Variants in EYS observed in about 807,000 individuals in gnomAD.
EYS encodes the protein protein eyes shut homolog.
In EYS, 250 loss-of-function variants were observed where a neutral mutation model predicts 282.1. That is an observed-to-expected ratio of 0.89 (90% CI 0.80 to 0.98). The LOEUF is 0.98. EYS is among the 50% of genes least tolerant of loss of function. The probability of loss-of-function intolerance (pLI) is 0.00; values close to 1 mark genes in which losing one functional copy is unlikely to be tolerated. For missense variants in EYS, 4,016 were observed against 3,709.0 expected (o/e 1.08, Z -2.15); for synonymous variants, 1,355 against 1,282.9 (o/e 1.06, Z -1.20).
At chr6:65,620,714 A>G (rs1040808331) in intron 2 of EYS, among the ~76,000 whole-genome samples, 21 of 150,950 alleles carry the variant, frequency 1.4e-4, no homozygotes, top group Non-Finnish European at 2.4e-4. Flanking sequence ...CCCTCTACAC[A>G]CTGCTTTGAA....
At chr6:63,966,768 T>A (rs1043310398) in intron 35 of EYS, among the ~76,000 whole-genome samples, 1 of 152,190 alleles carries the variant, frequency 6.6e-6, no homozygotes, top group African/African-American at 2.4e-5. Context: ...TTAACTGAGA[T>A]AATACGTATA....
chr6:64,325,402 A>G (rs527585173), intron 29 of EYS, among the ~76,000 whole-genome samples: 2 of 152,326 alleles, frequency 1.3e-5, no homozygotes, highest in Non-Finnish European at 2.9e-5. Context: ...GTGGGACAAA[A>G]GAATCGGAAC....
intron 12 of EYS, among the ~76,000 whole-genome samples, chr6:65,129,945 G>A (rs1775823893): frequency 6.6e-6 from 1 of 151,752 alleles, no homozygotes; most frequent in African/African-American, 2.4e-5. Flanking sequence ...AGAAAATGTG[G>A]TACATATACA....
chr6:65,638,641 C>A (rs1167033082), intron 2 of EYS, among the ~76,000 whole-genome samples: 4 of 152,232 alleles, frequency 2.6e-5, no homozygotes, highest in Non-Finnish European at 4.4e-5. Flanking sequence ...ACAGAGCCCG[C>A]ACCTGTGCCG....
intron 32 of EYS, among the ~76,000 whole-genome samples, chr6:64,069,687 T>C (rs1252197017): frequency 6.6e-6 from 1 of 152,032 alleles, no homozygotes; most frequent in African/African-American, 2.4e-5. Flanking sequence ...CTATAAAGTA[T>C]TTAAAAAAGA....
chr6:65,374,275 A>T (rs1483416644), intron 8 of EYS, among the ~76,000 whole-genome samples: 1 of 152,110 alleles, frequency 6.6e-6, no homozygotes, highest in Admixed American at 6.5e-5. Flanking sequence ...TCACCTAGGA[A>T]GTGTGAGTTT....
chr6:65,015,926 T>C (rs1352478194), intron 13 of EYS, among the ~76,000 whole-genome samples: 1 of 144,356 alleles, frequency 6.9e-6, no homozygotes, highest in Non-Finnish European at 1.5e-5. Context: ...ACCCATGTAG[T>C]CCCAGCTACT....
At chr6:63,988,587 A>C (rs749987022) in intron 34 of EYS, among the ~76,000 whole-genome samples, 1 of 151,638 alleles carries the variant, frequency 6.6e-6, no homozygotes, top group Non-Finnish European at 1.5e-5. Context: ...ATTATCCAAG[A>C]GACGACTTTT....
At chr6:65,553,107 C>T (rs1768661076) in intron 2 of EYS, among the ~76,000 whole-genome samples, 1 of 152,158 alleles carries the variant, frequency 6.6e-6, no homozygotes, top group East Asian at 1.9e-4. Flanking sequence ...ATGTCCACAG[C>T]TCTACTGAAA....
At chr6:64,413,481 T>C (rs766760830) in intron 28 of EYS, among the ~76,000 whole-genome samples, 1 of 151,634 alleles carries the variant, frequency 6.6e-6, no homozygotes, top group Non-Finnish European at 1.5e-5. Context: ...AAAACTGTAA[T>C]TGAATAATAT....
chr6:65,522,623 T>A (rs1000518946), intron 2 of EYS, among the ~76,000 whole-genome samples: 9 of 152,200 alleles, frequency 5.9e-5, no homozygotes, highest in African/African-American at 1.4e-4. Context: ...ATAAATACTT[T>A]AAGAATTTCA....
intron 11 of EYS, chr6:65,330,354 G>A (rs1161958233): frequency 3.0e-6 from 3 of 984,070 alleles, no homozygotes; most frequent in African/African-American, 1.8e-5. Context: ...ATAAATTTGA[G>A]GCTTCAAAAA....
At chr6:64,886,339 A>C (rs1311979219) in intron 19 of EYS, among the ~76,000 whole-genome samples, 1 of 151,972 alleles carries the variant, frequency 6.6e-6, no homozygotes, top group Non-Finnish European at 1.5e-5. Context: ...TTTAATGCTA[A>C]GCATATTCTA....
intron 1 of EYS, among the ~76,000 whole-genome samples, chr6:65,654,086 A>G (rs1206810776): frequency 6.6e-6 from 1 of 151,972 alleles, no homozygotes; most frequent in Non-Finnish European, 1.5e-5. Context: ...TGTTTTTAGC[A>G]TGCCCACTAA....
At chr6:63,772,945 A>G (rs149831126) in intron 40 of EYS, among the ~76,000 whole-genome samples, 126 of 151,880 alleles carry the variant, frequency 8.3e-4, no homozygotes, top group African/African-American at 2.8e-3. Context: ...CTGTTTATCT[A>G]TATCTATTAT....
intron 22 of EYS, among the ~76,000 whole-genome samples, chr6:64,756,338 A>G (rs1320545141): frequency 2.0e-5 from 3 of 152,192 alleles, no homozygotes; most frequent in Admixed American, 6.5e-5. Flanking sequence ...GTTTGTAGGC[A>G]TCTACTCATT....
chr6:64,357,647 T>G (rs939602893), intron 29 of EYS, among the ~76,000 whole-genome samples: 3 of 151,706 alleles, frequency 2.0e-5, no homozygotes, highest in South Asian at 4.1e-4. Context: ...TCTAGTTATG[T>G]AATACTGGGG....
Position 64,082,999 on chromosome 6 carries a change from C to T in EYS, c.6425-997G>A, listed in dbSNP as rs1772025165. 2.0e-5 allele frequency among the ~76,000 whole-genome samples: 3 copies of T among 151,512 alleles called. No homozygotes were observed. In the East Asian group the frequency reaches 5.8e-4, roughly 29 times the overall value. On this transcript the variant is annotated intron_variant, in intron 31 of 42. Transcript: ENST00000503581. Reference sequence around the variant, plus strand: ...TCTCGGCTCACTTCAGCCTCAAACTCTCAGGCTCAGGTCATCCATCTGCCT... The same window carrying T: ...TCTCGGCTCACTTCAGCCTCAAACTTTCAGGCTCAGGTCATCCATCTGCCT...
chr6:64,586,519 A>G (rs563126935), intron 26 of EYS, among the ~76,000 whole-genome samples: 4 of 152,036 alleles, frequency 2.6e-5, no homozygotes, highest in Non-Finnish European at 5.9e-5. Flanking sequence ...CTATTTCTAT[A>G]TTGGTATGAT....
Sources: gnomAD v4.1 joint callset for allele counts (sites outside exome capture counted in the v4.1 genomes callset) on GRCh38, gnomAD v4.1.1 for gene constraint, MANE v1.5 for transcripts, NCBI Gene and HGNC (gene_info 2026-07-23, HGNC 2026-07-21) for gene names.